Variants in LRRIQ1 observed in about 807,000 individuals in gnomAD.
LRRIQ1 encodes leucine-rich repeat- and IQ domain-containing protein 1.
LRRIQ1 carries 210 observed loss-of-function variants against 211.9 expected under a neutral mutation model. The observed-to-expected ratio is 0.99, with a 90% CI of 0.89 to 1.11. The LOEUF is 1.11. Among genes scored for constraint, LRRIQ1 ranks in the 50% most tolerant of loss-of-function variants. The pLI is 0.00. For synonymous variants in LRRIQ1, 699 were observed against 650.1 expected (o/e 1.08, Z -1.14); for missense variants, 2,136 against 1,939.5 (o/e 1.10, Z -1.90).
At chr12:85,044,339 T>G (rs1879268369) in intron 3 of LRRIQ1, among the ~76,000 whole-genome samples, 1 of 152,058 alleles carries the variant, frequency 6.6e-6, no homozygotes, top group African/African-American at 2.4e-5. Context: ...ATTAAAATGT[T>G]TTCAATATCT....
rs5799725 is a variant in LRRIQ1, at chr12:85,244,867, GAA to G, written c.5104_5105del (p.Asn1702SerfsTer12). 9 of 1,567,202 alleles carry G rather than the reference GAA, an allele frequency of 5.7e-6. No individual in the cohort carries two copies. The East Asian group carries it at 9.3e-5, about 16-fold the overall frequency. On this transcript the variant is annotated frameshift_variant, in exon 27 of 27. Coordinates refer to ENST00000393217, the MANE Select transcript of LRRIQ1 (RefSeq NM_001079910.2). LOFTEE classifies it high-confidence loss of function. Reference sequence around the variant, plus strand: ...TGGAAGTGCTTTGTCTGTGAACAGAGAAAAAAAAAATCAGGCACACAGACACT... The same window carrying G: ...TGGAAGTGCTTTGTCTGTGAACAGAGAAAAAAAATCAGGCACACAGACACT... ...TNGSALSVNREKKNQAHRHSA... is the reference protein window; with the variant it reads ...TNGSALSVNRXKKNQAHRHSA...
At chr12:85,162,028 G>C (rs2136740081) in intron 24 of LRRIQ1, among the ~76,000 whole-genome samples, 1 of 150,976 alleles carries the variant, frequency 6.6e-6, no homozygotes, top group East Asian at 1.9e-4. Flanking sequence ...GACAGAGCGA[G>C]ACTCCACCTC....
chr12:85,209,511 C>A (rs1299997331), intron 24 of LRRIQ1, among the ~76,000 whole-genome samples: 1 of 152,162 alleles, frequency 6.6e-6, no homozygotes, highest in Non-Finnish European at 1.5e-5. Context: ...ACACCCAAAC[C>A]ATATCAATCT....
chr12:85,250,082 C>T (rs1438921422), downstream of LRRIQ1, among the ~76,000 whole-genome samples: 2 of 151,700 alleles, frequency 1.3e-5, no homozygotes, highest in East Asian at 2.0e-4. Context: ...AATTCCCTGG[C>T]ATATTGTCTA....
chr12:85,172,830 C>T (rs965690050), intron 24 of LRRIQ1, among the ~76,000 whole-genome samples: 46 of 152,060 alleles, frequency 3.0e-4, no homozygotes, highest in African/African-American at 9.9e-4. Flanking sequence ...ATATATTGGC[C>T]GGGTGCAGCA....
At chr12:85,120,574 A>G (rs1458658575) in intron 15 of LRRIQ1, among the ~76,000 whole-genome samples, 2 of 152,228 alleles carry the variant, frequency 1.3e-5, no homozygotes, top group East Asian at 1.9e-4. Flanking sequence ...ATACCTTGCT[A>G]TAATTTTGAT....
chr12:85,077,400 A>T (rs1883779476), intron 11 of LRRIQ1, among the ~76,000 whole-genome samples: 1 of 152,208 alleles, frequency 6.6e-6, no homozygotes, highest in African/African-American at 2.4e-5. Context: ...AATATATTTA[A>T]CCAGTAAGCT....
chr12:85,113,979 C>T (rs899363174), intron 15 of LRRIQ1, among the ~76,000 whole-genome samples: 45 of 148,148 alleles, frequency 3.0e-4, no homozygotes, highest in African/African-American at 1.0e-3. Flanking sequence ...CTAGACCTTT[C>T]GTGCACTGGG....
At chr12:85,038,701 C>G (rs1428795548) in intron 2 of LRRIQ1, among the ~76,000 whole-genome samples, 3 of 151,382 alleles carry the variant, frequency 2.0e-5, no homozygotes, top group Non-Finnish European at 4.4e-5. Context: ...ATACCAATAT[C>G]CTTAATCCAA....
At chr12:85,165,837 C>G (rs1891131121) in intron 24 of LRRIQ1, among the ~76,000 whole-genome samples, 1 of 152,140 alleles carries the variant, frequency 6.6e-6, no homozygotes, top group South Asian at 2.1e-4. Context: ...TTTATCCAAA[C>G]CACTGCTGAC....
In LRRIQ1 at chr12:85,264,294, G is replaced by A. The variant is rs1329978568; in HGVS notation, c.*1234G>A. ...TGGTGTCCTAGAATTTCCACTCCAT[G>A]TATAGTTGGAACTACATCAAGATCA... On this transcript the variant is annotated 3_prime_UTR_variant, in exon 2 of 2. Transcript: ENST00000602731. The A allele has an allele frequency of 2.0e-5, 3 of 151,988 alleles. No individual in the cohort carries two copies. The East Asian group carries it at 5.8e-4, about 29-fold the overall frequency. The allele number at this position is 151,988 out of a possible 1,614,324, so 9.4% of individuals were successfully genotyped here.
intron 24 of LRRIQ1, among the ~76,000 whole-genome samples, chr12:85,201,544 A>G (rs1171818357): frequency 6.6e-6 from 1 of 151,708 alleles, no homozygotes; most frequent in South Asian, 2.1e-4. Flanking sequence ...GACTTTATCC[A>G]TTTCCTGTAG....
Position 85,055,738 on chromosome 12 carries a change from A to G in LRRIQ1, c.945A>G (p.Lys315=). ...PIIKEQIESK[K]RKAQEWKEKE... The stretch of plus-strand genomic sequence containing the variant: ...TTAAAGAGCAAATTGAAAGTAAGAA[A>G]AGGAAAGCACAAGAGTGGAAGGAAA... The change falls in exon 8 of 27, where the codon AAA becomes AAG. Residue 315 remains lysine, a synonymous_variant. Transcript: ENST00000393217. 1 of 1,607,800 alleles carries G rather than the reference A, an allele frequency of 6.2e-7. No homozygotes were observed. Among genetic ancestry groups the G allele is most frequent in the South Asian group, 1.1e-5 (1 of 89,264 alleles).
chr12:85,046,503 C>G (rs114462037), intron 5 of LRRIQ1, among the ~76,000 whole-genome samples: 1 of 152,158 alleles, frequency 6.6e-6, no homozygotes, highest in African/African-American at 2.4e-5. Flanking sequence ...ACTTTATTCA[C>G]TTTGGTGAAA....
At chr12:85,113,708 G>A (rs1219812278) in intron 15 of LRRIQ1, among the ~76,000 whole-genome samples, 2 of 151,966 alleles carry the variant, frequency 1.3e-5, no homozygotes, top group Admixed American at 6.6e-5. Context: ...TTGACAACTG[G>A]TGTTATTGCT....
At chr12:85,103,580 G>A (rs1886548859) in intron 13 of LRRIQ1, among the ~76,000 whole-genome samples, 1 of 151,368 alleles carries the variant, frequency 6.6e-6, no homozygotes, top group Non-Finnish European at 1.5e-5. Flanking sequence ...TAAAAGTTTT[G>A]GTTATGTGTT....
chr12:85,056,515 A>T lies in LRRIQ1; in HGVS notation c.1722A>T (p.Ile574=). The T allele has an allele frequency of 6.2e-7, 1 of 1,611,990 alleles. No individual in the cohort carries two copies. Among genetic ancestry groups the T allele is most frequent in the Non-Finnish European group, 8.5e-7 (1 of 1,179,102 alleles). ...SEVKTNEEQK[I]IKDNQQKKIQ... is the part of the protein sequence containing the mutation. ...TGAAAACCAATGAAGAGCAGAAAAT[A>T]ATCAAAGATAATCAGCAGAAAAAGA... Residue 574 remains isoleucine (I), a synonymous_variant, in exon 8 of 27, where the codon ATA becomes ATT. Coordinates refer to ENST00000393217, the MANE Select transcript of LRRIQ1 (RefSeq NM_001079910.2).
intron 11 of LRRIQ1, among the ~76,000 whole-genome samples, chr12:85,083,565 G>T (rs928058433): frequency 6.6e-6 from 1 of 151,534 alleles, no homozygotes; most frequent in African/African-American, 2.4e-5. Flanking sequence ...TCAGCCTCCC[G>T]AGTAGCTGGG....
chr12:85,172,393 T>C (rs1223268908), intron 24 of LRRIQ1, among the ~76,000 whole-genome samples: 2 of 152,188 alleles, frequency 1.3e-5, no homozygotes, highest in Non-Finnish European at 2.9e-5. Context: ...CTACATGAAT[T>C]AATGAAGTGA....
Sources: gnomAD v4.1 joint callset for allele counts (sites outside exome capture counted in the v4.1 genomes callset) on GRCh38, gnomAD v4.1.1 for gene constraint, MANE v1.5 for transcripts, NCBI Gene and HGNC (gene_info 2026-07-23, HGNC 2026-07-21) for gene names.